ERC2: variants seen among roughly 807,000 people sequenced by gnomAD.
ERC2 encodes ERC protein 2.
A neutral mutation model predicts 114.8 loss-of-function variants in ERC2; 42 were observed. That is an observed-to-expected ratio of 0.37 (90% CI 0.29 to 0.47). The LOEUF (loss-of-function observed/expected upper bound fraction) is 0.47. Among genes scored for constraint, ERC2 ranks in the 20% least tolerant of loss-of-function variants. The pLI is 0.99. For synonymous variants in ERC2, 454 were observed against 425.5 expected, an observed-to-expected ratio of 1.07 and a Z score of -0.82; for missense variants, 939 against 1,150.7, an observed-to-expected ratio of 0.82 and a Z score of 2.66.
chr3:55,551,508 G>A (rs2055206039), intron 17 of ERC2, among the ~76,000 whole-genome samples: 1 of 152,114 alleles, frequency 6.6e-6, no homozygotes, highest in African/African-American at 2.4e-5. Flanking sequence ...TGGAGACAGA[G>A]TGCGATTCCG....
chr3:55,833,299 C>A (rs2060704938), intron 14 of ERC2, among the ~76,000 whole-genome samples: 1 of 150,518 alleles, frequency 6.6e-6, no homozygotes, highest in Non-Finnish European at 1.5e-5. Flanking sequence ...CTCCAAGACA[C>A]ATAATTGTCA....
chr3:56,281,418 C>A (rs1198108369), intron 3 of ERC2, among the ~76,000 whole-genome samples: 35 of 54,586 alleles, frequency 6.4e-4, no homozygotes, highest in African/African-American at 1.8e-3. Flanking sequence ...GCCTGGGTGA[C>A]AGAGCAAGAC....
At chr3:55,870,711 A>C (rs2149281662) in intron 14 of ERC2, among the ~76,000 whole-genome samples, 1 of 152,278 alleles carries the variant, frequency 6.6e-6, no homozygotes. Context: ...CAGGGGGCTA[A>C]GGAGCCCAAG....
chr3:55,853,115 A>C (rs1015309469), intron 14 of ERC2, among the ~76,000 whole-genome samples: 1 of 152,224 alleles, frequency 6.6e-6, no homozygotes, highest in Non-Finnish European at 1.5e-5. Context: ...CCCCTGGTTG[A>C]GAACTCCTGA....
chr3:55,807,337 T>C (rs753963482), intron 14 of ERC2, among the ~76,000 whole-genome samples: 1 of 152,232 alleles, frequency 6.6e-6, no homozygotes, highest in Non-Finnish European at 1.5e-5. Flanking sequence ...TGTTGATTTC[T>C]GGGCCTGGGA....
At chr3:55,720,265 C>CTCTCTCTA (rs2064456583) in intron 15 of ERC2, among the ~76,000 whole-genome samples, 1 of 112,434 alleles carries the variant, frequency 8.9e-6, no homozygotes, top group Non-Finnish European at 1.8e-5. Flanking sequence ...CTCTCTCTGT[C>CTCTCTCTA]TATCTCTCTG....
rs571334892 is a variant in ERC2 at position 56,434,260 on chromosome 3, T to C, written c.657+91A>G. The C allele has an allele frequency of 1.0e-3, 1,296 of 1,236,756 alleles. 1 individual carries two copies. Among genetic ancestry groups the C allele is most frequent in the Non-Finnish European group, 1.4e-3 (1,233 of 888,494 alleles). The allele number at this position is 1,236,756 out of a possible 1,614,324, so 76.6% of individuals were successfully genotyped here. On this transcript the variant is annotated intron_variant, in intron 2 of 17. Coordinates refer to ENST00000288221, the MANE Select transcript of ERC2 (RefSeq NM_015576.3). ...TAACCTTCTTGATGATGCCAAACTT[T>C]CTTCTGCACAGGTCGTGGTACCATC...
intron 15 of ERC2, among the ~76,000 whole-genome samples, chr3:55,711,834 GT>G (rs1358588826): frequency 6.6e-6 from 1 of 152,148 alleles, no homozygotes; most frequent in Non-Finnish European, 1.5e-5. Context: ...TATCATAGCT[GT>G]TTCTATAATG....
chr3:56,188,764 G>T (rs1189666202), intron 3 of ERC2, among the ~76,000 whole-genome samples: 1 of 152,168 alleles, frequency 6.6e-6, no homozygotes, highest in Non-Finnish European at 1.5e-5. Flanking sequence ...CATCCTTGAT[G>T]GGGGTCACTG....
intron 14 of ERC2, among the ~76,000 whole-genome samples, chr3:55,882,688 G>T (rs1468238115): frequency 6.6e-6 from 1 of 152,180 alleles, no homozygotes; most frequent in Non-Finnish European, 1.5e-5. Context: ...ATGTGCGTGG[G>T]TTATATGCAA....
At chr3:55,795,535 G>T (rs957394622) in intron 14 of ERC2, among the ~76,000 whole-genome samples, 1 of 152,184 alleles carries the variant, frequency 6.6e-6, no homozygotes, top group Non-Finnish European at 1.5e-5. Flanking sequence ...TTTAACTTGA[G>T]TCAGCTCATT....
At chr3:56,409,516 AG>A (rs1388122391) in intron 2 of ERC2, among the ~76,000 whole-genome samples, 1 of 144,076 alleles carries the variant, frequency 6.9e-6, no homozygotes, top group Non-Finnish European at 1.5e-5. Flanking sequence ...AAAGCTAGAC[AG>A]AAAAAAAAAA....
intron 3 of ERC2, among the ~76,000 whole-genome samples, chr3:56,294,384 C>T (rs1477207503): frequency 6.6e-6 from 1 of 152,224 alleles, no homozygotes; most frequent in African/African-American, 2.4e-5. Flanking sequence ...CATCCCAGGA[C>T]CTGTCTTCTT....
At chr3:56,466,844 C>T (rs1362715615) in intron 1 of ERC2, among the ~76,000 whole-genome samples, 3 of 152,206 alleles carry the variant, frequency 2.0e-5, no homozygotes, top group Admixed American at 1.3e-4. Flanking sequence ...AAGTGCCACA[C>T]CCTTTTCCCG....
intron 7 of ERC2, among the ~76,000 whole-genome samples, chr3:56,025,276 A>C (rs1458284950): frequency 2.0e-5 from 3 of 152,188 alleles, no homozygotes; most frequent in African/African-American, 7.2e-5. Context: ...CCATTGTATT[A>C]ATTTTCTACA....
chr3:56,081,938 G>A (rs1020908868), intron 6 of ERC2, among the ~76,000 whole-genome samples: 5 of 152,162 alleles, frequency 3.3e-5, no homozygotes, highest in Non-Finnish European at 7.4e-5. Context: ...AAATGCAACT[G>A]TGACAAACAC....
At chr3:55,696,498 T>C (rs779307439) in intron 16 of ERC2, among the ~76,000 whole-genome samples, 37 of 152,276 alleles carry the variant, frequency 2.4e-4, no homozygotes, top group South Asian at 4.1e-4. Flanking sequence ...CATCACCCCA[T>C]TATTAGGACT....
intron 10 of ERC2, among the ~76,000 whole-genome samples, chr3:56,000,549 A>G (rs2071957717): frequency 6.6e-6 from 1 of 152,176 alleles, no homozygotes; most frequent in Non-Finnish European, 1.5e-5. Flanking sequence ...GAAAACCTCA[A>G]CTTCAGTAGT....
chr3:56,113,069 A>G (rs1017646242), intron 6 of ERC2, among the ~76,000 whole-genome samples: 1 of 152,232 alleles, frequency 6.6e-6, no homozygotes, highest in Non-Finnish European at 1.5e-5. Context: ...ATCTTTCTCA[A>G]TCTAATAGGT....
Sources: gnomAD v4.1 joint callset for allele counts (sites outside exome capture counted in the v4.1 genomes callset) on GRCh38, gnomAD v4.1.1 for gene constraint, MANE v1.5 for transcripts, NCBI Gene and HGNC (gene_info 2026-07-23, HGNC 2026-07-21) for gene names.